JAM2: variants seen among roughly 807,000 people sequenced by gnomAD.
The protein encoded by JAM2 is junctional adhesion molecule B.
A neutral mutation model predicts 42.0 loss-of-function variants in JAM2; 17 were observed. That is an observed-to-expected ratio of 0.40 (90% CI 0.28 to 0.61). The LOEUF is 0.61. Ranked by LOEUF, JAM2 falls within the 20% of genes least tolerant of loss-of-function variation. The pLI is 0.37. For missense variants in JAM2, 319 were observed against 358.3 expected (o/e 0.89, Z 0.89); for synonymous variants, 118 against 128.6 (o/e 0.92, Z 0.56).
chr21:25,683,900 T>C lies in JAM2; in HGVS notation c.85T>C (p.Phe29Leu). The part of the protein sequence containing the change: ...VALGYHKAYG[F>L]SAPKDQQVVT... Reference sequence around the variant, plus strand: ...TCTTTCAGATCATAAGGCCTATGGGTTTTCTGCCCCAAAAGACCAACAAGT... The same window carrying C: ...TCTTTCAGATCATAAGGCCTATGGGCTTTCTGCCCCAAAAGACCAACAAGT... The change falls in exon 2 of 10, where the codon TTT (phenylalanine) becomes CTT (leucine). Residue 29 changes from phenylalanine (F) to leucine (L), a missense_variant. Physicochemically the swap from Phe to Leu is conservative, Grantham distance 22. Transcript: ENST00000480456. 2 of 1,608,084 alleles carry C rather than the reference T, an allele frequency of 1.2e-6. No homozygotes were observed. Among genetic ancestry groups the C allele is most frequent in the Non-Finnish European group, 1.7e-6 (2 of 1,175,160 alleles).
intron 7 of JAM2, among the ~76,000 whole-genome samples, chr21:25,708,825 C>T (rs1274985645): frequency 6.6e-6 from 1 of 151,916 alleles, no homozygotes; most frequent in Non-Finnish European, 1.5e-5. Flanking sequence ...TAAAAGTTGA[C>T]TTGAATATTA....
intron 1 of JAM2, among the ~76,000 whole-genome samples, chr21:25,679,057 G>A (rs2033567116): frequency 6.6e-6 from 1 of 152,154 alleles, no homozygotes; most frequent in Non-Finnish European, 1.5e-5. Context: ...TCCTTCCTTG[G>A]CCTCTCAAAG....
intron 3 of JAM2, among the ~76,000 whole-genome samples, chr21:25,693,240 A>G (rs1371858677): frequency 1.3e-5 from 2 of 151,676 alleles, no homozygotes; most frequent in Non-Finnish European, 2.9e-5. Flanking sequence ...ATATGAGAAT[A>G]TAAAACTATG....
intron 1 of JAM2, among the ~76,000 whole-genome samples, chr21:25,656,629 C>A (rs909137014): frequency 6.6e-6 from 1 of 152,172 alleles, no homozygotes; most frequent in Non-Finnish European, 1.5e-5. Flanking sequence ...GTGTCAGAAG[C>A]TATTTCTGTG....
intron 1 of JAM2, among the ~76,000 whole-genome samples, 172 bp downstream of exon 1, chr21:25,640,060 C>T (rs1317812966): frequency 6.6e-6 from 1 of 152,210 alleles, no homozygotes; most frequent in African/African-American, 2.4e-5. Flanking sequence ...CGCGAGCGGA[C>T]GCTGGGAGCA....
In JAM2 at chr21:25,702,170, C is replaced by G; in HGVS notation, c.598C>G (p.Gln200Glu). 1 of 1,507,868 alleles carries G rather than the reference C, an allele frequency of 6.6e-7. No individual in the cohort carries two copies. Among genetic ancestry groups the G allele is most frequent in the Non-Finnish European group, 9.1e-7 (1 of 1,102,148 alleles). The allele number at this position is 1,507,868 out of a possible 1,614,324, so 93.4% of individuals were successfully genotyped here. ...YTMNTKTGTL[Q>E]FNTVSKLDTG... is the part of the protein sequence containing the mutation. ...AATATATTTTTGCATCCACAAATAG[C>G]AATTTAATACTGTTTCCAAACTGGA... The change falls in exon 6 of 10, where the codon CAA becomes GAA. Residue 200 changes from glutamine to glutamate, a missense_variant and splice_region_variant. Gln to Glu is a conservative substitution (Grantham distance 29). Transcript: ENST00000480456.
At chr21:25,692,704 T>A (rs2033908994) in intron 3 of JAM2, 1 of 152,224 alleles carries the variant, frequency 6.6e-6, no homozygotes, top group South Asian at 2.1e-4. Flanking sequence ...ATTTTATAGT[T>A]CTGAAAATAC....
chr21:25,709,291 A>G (rs1243056497), intron 7 of JAM2, 143 bp from the exon 8 acceptor site: 3 of 490,140 alleles, frequency 6.1e-6, no homozygotes, highest in Non-Finnish European at 1.1e-5. Context: ...AAAGTTTGCC[A>G]ACTCTTAATT....
chr21:25,657,404 A>C (rs2032968325), intron 1 of JAM2, among the ~76,000 whole-genome samples: 1 of 152,232 alleles, frequency 6.6e-6, no homozygotes, highest in South Asian at 2.1e-4. Context: ...GTTGGTGGAC[A>C]GAATCACCTT....
intron 1 of JAM2, among the ~76,000 whole-genome samples, chr21:25,670,059 C>A (rs1310223066): frequency 2.6e-5 from 4 of 152,198 alleles, no homozygotes; most frequent in Non-Finnish European, 1.5e-5. Context: ...ATCCAGTTCT[C>A]TTCATGCTAT....
At chr21:25,693,045 G>T (rs2033916886) in intron 3 of JAM2, among the ~76,000 whole-genome samples, 1 of 152,098 alleles carries the variant, frequency 6.6e-6, no homozygotes, top group Non-Finnish European at 1.5e-5. Context: ...GCAGCAATTA[G>T]ATCTGACTGC....
chr21:25,679,163 G>A (rs1309174577), intron 1 of JAM2, among the ~76,000 whole-genome samples: 1 of 152,176 alleles, frequency 6.6e-6, no homozygotes, highest in Non-Finnish European at 1.5e-5. Context: ...CCTTAAGAGT[G>A]ATAAAATCTA....
chr21:25,664,060 C>T (rs2033156117), intron 1 of JAM2, among the ~76,000 whole-genome samples: 1 of 152,138 alleles, frequency 6.6e-6, no homozygotes, highest in African/African-American at 2.4e-5. Flanking sequence ...CTATGATTCT[C>T]CAAGGAAACT....
At chr21:25,677,201 GAAA>G (rs147241644) in intron 1 of JAM2, among the ~76,000 whole-genome samples, 6 of 142,120 alleles carry the variant, frequency 4.2e-5, no homozygotes, top group African/African-American at 1.3e-4. Context: ...CACACAAAAA[GAAA>G]AAAAAAAGGA....
In JAM2 at chr21:25,655,350, ATTTTTTTT is replaced by A. The variant is rs751257378; in HGVS notation, c.67+15476_67+15483del. ...AACATGATAAATATACTGAAATTCT[ATTTTTTTT>A]TTTTTTTTTTTTTGTCCTTGAAGCC... On this transcript the variant is annotated intron_variant, in intron 1 of 9. Coordinates refer to ENST00000480456, the MANE Select transcript of JAM2 (RefSeq NM_021219.4). Among the ~76,000 whole-genome samples the A allele has an allele frequency of 4.0e-5, 4 of 100,238 alleles. No homozygotes were observed. In the South Asian group the frequency reaches 1.4e-3, roughly 35 times the overall value. 65.8% of individuals were successfully genotyped at this position (100,238 alleles called of 152,430 possible).
intron 5 of JAM2, among the ~76,000 whole-genome samples, chr21:25,699,964 C>A (rs2034131840): frequency 6.6e-6 from 1 of 152,050 alleles, no homozygotes; most frequent in Middle Eastern, 3.4e-3. Context: ...TGGTAGGATT[C>A]CTATATCATT....
Position 25,698,754 on chromosome 21 carries a change from A to G in JAM2, c.472A>G (p.Lys158Glu). ...TGTGGTAGAGCTACGATGTCAAGAC[A>G]AAGAAGGGAATCCAGCTCCTGAATA... ...GTVVELRCQDKEGNPAPEYTW... is the reference protein window; with the variant it reads ...GTVVELRCQDEEGNPAPEYTW... The change falls in exon 5 of 10, where the codon AAA becomes GAA. Residue 158 changes from lysine (K) to glutamate (E), a missense_variant. Transcript: ENST00000480456. 6.2e-7 allele frequency: 1 copy of G among 1,614,180 alleles called. No individual in the cohort carries two copies. Among genetic ancestry groups the G allele is most frequent in the Non-Finnish European group, 8.5e-7 (1 of 1,180,008 alleles).
intron 7 of JAM2, among the ~76,000 whole-genome samples, chr21:25,707,024 C>T (rs2034287346): frequency 6.6e-6 from 1 of 152,164 alleles, no homozygotes; most frequent in Admixed American, 6.5e-5. Flanking sequence ...AGGTGTGAGC[C>T]ACCGCGCCCA....
chr21:25,655,483 C>CTTT (rs35503919), intron 1 of JAM2, among the ~76,000 whole-genome samples: 1 of 130,080 alleles, frequency 7.7e-6, no homozygotes, highest in African/African-American at 2.9e-5. Context: ...AACATCAGCT[C>CTTT]TTTTTTTTTT....
Sources: gnomAD v4.1 joint callset for allele counts (sites outside exome capture counted in the v4.1 genomes callset) on GRCh38, gnomAD v4.1.1 for gene constraint, MANE v1.5 for transcripts, NCBI Gene and HGNC (gene_info 2026-07-23, HGNC 2026-07-21) for gene names.